CCDC149: variants seen among roughly 807,000 people sequenced by gnomAD.
The protein encoded by CCDC149 is coiled-coil domain containing 149.
CCDC149 carries 45 observed loss-of-function variants against 59.9 expected under a neutral mutation model. That is an observed-to-expected ratio of 0.75 (90% CI 0.59 to 0.96). The LOEUF (loss-of-function observed/expected upper bound fraction) is 0.96. Ranked by LOEUF, CCDC149 falls within the 40% of genes least tolerant of loss-of-function variation. The pLI, the probability that CCDC149 is intolerant of heterozygous loss-of-function variation, is 0.00. For synonymous variants in CCDC149, 245 were observed against 260.6 expected, an observed-to-expected ratio of 0.94 and a Z score of 0.58; for missense variants, 584 against 664.7, an observed-to-expected ratio of 0.88 and a Z score of 1.33.
chr4:24,976,268 A>G (rs1201220391), intron 1 of CCDC149, among the ~76,000 whole-genome samples: 1 of 152,196 alleles, frequency 6.6e-6, no homozygotes, highest in Non-Finnish European at 1.5e-5. Context: ...GGAAAGCAAC[A>G]TGGAGCACAG....
chr4:24,906,610 C>CT (rs1209432747), intron 1 of CCDC149, among the ~76,000 whole-genome samples: 1 of 151,820 alleles, frequency 6.6e-6, no homozygotes, highest in African/African-American at 2.4e-5. Context: ...GTTGGCCGGG[C>CT]TGGTCTTGAA....
At chr4:24,933,289 C>T (rs368822650) in intron 1 of CCDC149, among the ~76,000 whole-genome samples, 1 of 152,230 alleles carries the variant, frequency 6.6e-6, no homozygotes, top group African/African-American at 2.4e-5. Context: ...CATTAACCTA[C>T]CCACAGGATT....
intron 1 of CCDC149, among the ~76,000 whole-genome samples, chr4:24,879,870 A>G (rs1719729341): frequency 6.6e-6 from 1 of 152,146 alleles, no homozygotes; most frequent in South Asian, 2.1e-4. Context: ...CATACTTTAA[A>G]AACTCAAGCT....
intron 3 of CCDC149, among the ~76,000 whole-genome samples, chr4:24,865,027 C>T (rs1447569183): frequency 6.6e-6 from 1 of 152,132 alleles, no homozygotes; most frequent in Non-Finnish European, 1.5e-5. Context: ...AAAAGTTATT[C>T]TACACCATAA....
At chr4:24,974,096 G>A (rs1258504912) in intron 1 of CCDC149, among the ~76,000 whole-genome samples, 3 of 152,370 alleles carry the variant, frequency 2.0e-5, no homozygotes, top group South Asian at 4.1e-4. Context: ...AAAGGAGAGC[G>A]CCTGTGTGCG....
intron 1 of CCDC149, among the ~76,000 whole-genome samples, chr4:24,924,600 G>A (rs913388968): frequency 1.1e-4 from 16 of 152,210 alleles, no homozygotes; most frequent in Non-Finnish European, 1.9e-4. Flanking sequence ...TGCCTTACAT[G>A]TGGTCTCTCC....
intron 1 of CCDC149, among the ~76,000 whole-genome samples, chr4:24,975,366 A>G (rs1724136047): frequency 8.3e-6 from 1 of 120,164 alleles, no homozygotes; most frequent in Non-Finnish European, 1.7e-5. Flanking sequence ...GGGGAGGAGA[A>G]GGCAGAGAAG....
At chr4:24,891,538 T>C (rs1720528629) in intron 1 of CCDC149, among the ~76,000 whole-genome samples, 2 of 152,238 alleles carry the variant, frequency 1.3e-5, no homozygotes, top group African/African-American at 4.8e-5. Context: ...ACCTCTGTCA[T>C]CACTATTTAT....
intron 1 of CCDC149, among the ~76,000 whole-genome samples, chr4:24,925,146 A>G (rs1171160546): frequency 3.9e-5 from 6 of 152,218 alleles, no homozygotes; most frequent in African/African-American, 1.2e-4. Context: ...TGCCAGCAGC[A>G]TGCCACAGTA....
chr4:24,860,311 T>G (rs913737939), intron 3 of CCDC149, among the ~76,000 whole-genome samples: 1 of 152,132 alleles, frequency 6.6e-6, no homozygotes, highest in African/African-American at 2.4e-5. Flanking sequence ...CTAACTGATC[T>G]TCAACAAAGA....
intron 4 of CCDC149, among the ~76,000 whole-genome samples, chr4:24,845,201 C>T (rs993895842): frequency 1.3e-4 from 20 of 152,286 alleles, no homozygotes; most frequent in Admixed American, 1.0e-3. Flanking sequence ...CATGCCTTCC[C>T]GCACCAAGCC....
chr4:24,861,420 T>C (rs1718378534), intron 3 of CCDC149, among the ~76,000 whole-genome samples: 1 of 152,062 alleles, frequency 6.6e-6, no homozygotes, highest in Admixed American at 6.6e-5. Context: ...CACTGATATG[T>C]GGGAGTTAAG....
intron 9 of CCDC149, chr4:24,828,736 GTGCCAC>G (rs1294403617): frequency 6.6e-6 from 1 of 152,192 alleles, no homozygotes; most frequent in African/African-American, 2.4e-5. Flanking sequence ...ATCCAAGACT[GTGCCAC>G]TGCACTCCAG....
chr4:24,805,506 T>C (rs1408428450), downstream of CCDC149, among the ~76,000 whole-genome samples: 1 of 152,214 alleles, frequency 6.6e-6, no homozygotes, highest in African/African-American at 2.4e-5. Context: ...CCCAACTCTC[T>C]TACACATCCC....
intron 4 of CCDC149, among the ~76,000 whole-genome samples, chr4:24,852,605 T>G (rs1717735171): frequency 6.6e-6 from 1 of 152,192 alleles, no homozygotes; most frequent in Non-Finnish European, 1.5e-5. Context: ...CAGTGGATTT[T>G]GAGCAATGTT....
At chr4:24,952,055 A>G (rs1723306470) in intron 1 of CCDC149, among the ~76,000 whole-genome samples, 1 of 151,986 alleles carries the variant, frequency 6.6e-6, no homozygotes, top group Admixed American at 6.6e-5. Flanking sequence ...CCCTTCTCAG[A>G]TCATCCTCTT....
chr4:24,943,716 A>C (rs896933652), intron 1 of CCDC149, among the ~76,000 whole-genome samples: 1 of 152,242 alleles, frequency 6.6e-6, no homozygotes, highest in African/African-American at 2.4e-5. Flanking sequence ...AAACAAATTT[A>C]CAAGAAAAAA....
At chr4:24,834,867 C>T in intron 8 of CCDC149, 81 bp downstream of exon 8, 1 of 1,040,920 alleles carries the variant, frequency 9.6e-7, no homozygotes. Context: ...ACCACAAAAG[C>T]AGCAGCCTGG....
intron 1 of CCDC149, among the ~76,000 whole-genome samples, chr4:24,966,815 C>T (rs993223481): frequency 6.6e-6 from 1 of 152,160 alleles, no homozygotes; most frequent in African/African-American, 2.4e-5. Context: ...AATGTAGAGC[C>T]TTTTCTGTTT....
Sources: gnomAD v4.1 joint callset for allele counts (sites outside exome capture counted in the v4.1 genomes callset) on GRCh38, gnomAD v4.1.1 for gene constraint, MANE v1.5 for transcripts, NCBI Gene and HGNC (gene_info 2026-07-23, HGNC 2026-07-21) for gene names.